TUBD1: variants seen among roughly 807,000 people sequenced by gnomAD.
TUBD1 encodes tubulin delta 1, also known as tubulin delta chain.
TUBD1 carries 38 observed loss-of-function variants against 51.2 expected under a neutral mutation model. The observed-to-expected ratio is 0.74, with a 90% confidence interval of 0.57 to 0.97. TUBD1 has a LOEUF of 0.97. TUBD1 is among the 50% of genes least tolerant of loss of function. The pLI, the probability that TUBD1 is intolerant of heterozygous loss-of-function variation, is 0.00. For synonymous variants in TUBD1, 169 were observed against 178.2 expected (o/e 0.95, Z 0.41); for missense variants, 489 against 538.4 (o/e 0.91, Z 0.91).
rs1377669505 is a variant in TUBD1, at chr17:59,890,811, G to A, written c.172+20C>T. 1.9e-6 allele frequency: 3 copies of A among 1,594,444 alleles called. No individual in the cohort carries two copies. The Admixed American group carries it at 5.3e-5, about 28-fold the overall frequency. ...GTTGGTTAGATCAGAGTAAAGGAGA[G>A]GACTGTGGGCCACACCTACCTCCAT... On this transcript the variant is annotated intron_variant, in intron 2 of 8. Coordinates refer to ENST00000325752, the MANE Select transcript of TUBD1 (RefSeq NM_016261.4).
At chr17:59,881,177 A>G in intron 3 of TUBD1, 67 bp from the exon 4 acceptor site, 1 of 1,311,088 alleles carries the variant, frequency 7.6e-7, no homozygotes, top group Non-Finnish European at 1.1e-6. Flanking sequence ...TAATTCAGAG[A>G]GAAAGATACA....
chr17:59,888,638 T>C (rs1429610842), intron 2 of TUBD1, among the ~76,000 whole-genome samples: 1 of 152,082 alleles, frequency 6.6e-6, no homozygotes, highest in East Asian at 1.9e-4. Flanking sequence ...GAGAGAACTA[T>C]GCAAGTGAGG....
rs201986736 is a variant in TUBD1, at chr17:59,886,140, T to C, written c.263A>G (p.Tyr88Cys). The C allele has an allele frequency of 1.9e-5, 30 of 1,613,932 alleles. No individual in the cohort carries two copies. Among genetic ancestry groups the C allele is most frequent in the Admixed American group, 8.3e-5 (5 of 59,946 alleles). ...TTGACAGAAGCATGCATGTTGACCA[T>C]ATTTCCATTGGCCAGACTGGGCAGC... Reference protein sequence around the residue: ...SKAAQSGQWKYGQHACFCQKQ... With the variant: ...SKAAQSGQWKCGQHACFCQKQ... Residue 88 changes from tyrosine to cysteine, a missense_variant, in exon 3 of 9, where the codon TAT (tyrosine) becomes TGT (cysteine). Transcript: ENST00000325752.
At chr17:59,884,313 T>TA (rs200873318) in intron 3 of TUBD1, among the ~76,000 whole-genome samples, 5 of 150,472 alleles carry the variant, frequency 3.3e-5, no homozygotes, top group Admixed American at 1.3e-4. Flanking sequence ...TAGGGACCTT[T>TA]AAAAAATCCC....
chr17:59,875,221 C>T lies in TUBD1; in HGVS notation c.770-518G>A, dbSNP rs529317046. On this transcript the variant is annotated intron_variant, in intron 5 of 8. Transcript: ENST00000325752. Reference sequence around the variant, plus strand: ...CCTCCTGAGTAGCTGAGACTACAGGCACGTACCACCAAGCCCAGCTAACTT... The same window carrying T: ...CCTCCTGAGTAGCTGAGACTACAGGTACGTACCACCAAGCCCAGCTAACTT... Among the ~76,000 whole-genome samples the T allele has an allele frequency of 2.6e-5, 4 of 151,116 alleles. No homozygotes were observed. In the South Asian group the frequency reaches 8.4e-4, roughly 32 times the overall value.
intron 4 of TUBD1, among the ~76,000 whole-genome samples, chr17:59,880,569 C>T (rs1437960292): frequency 6.6e-6 from 1 of 151,862 alleles, no homozygotes; most frequent in Admixed American, 6.6e-5. Flanking sequence ...GGCTGGAGTA[C>T]GGTAGCGCGA....
chr17:59,867,366 T>C (rs1159603194), intron 6 of TUBD1, among the ~76,000 whole-genome samples: 1 of 152,094 alleles, frequency 6.6e-6, no homozygotes, highest in African/African-American at 2.4e-5. Flanking sequence ...CTATGCCTAC[T>C]CCACTAGACT....
chr17:59,881,706 C>T (rs566039249), intron 3 of TUBD1, among the ~76,000 whole-genome samples: 46 of 151,022 alleles, frequency 3.0e-4, no homozygotes, highest in African/African-American at 9.8e-4. Flanking sequence ...GACAGAGTTT[C>T]ACTCTTGTCA....
chr17:59,871,991 T>C (rs911141178), intron 6 of TUBD1, among the ~76,000 whole-genome samples: 1 of 152,062 alleles, frequency 6.6e-6, no homozygotes, highest in African/African-American at 2.4e-5. Flanking sequence ...TCTCGCTCTG[T>C]TGCCCAGGCT....
At chr17:59,891,155 G>A in intron 1 of TUBD1, 114 bp from the exon 2 acceptor site, 1 of 600,134 alleles carries the variant, frequency 1.7e-6, no homozygotes, top group East Asian at 3.2e-5. Flanking sequence ...CCCTGAGACG[G>A]AGTCTTGTTC....
intron 6 of TUBD1, among the ~76,000 whole-genome samples, chr17:59,872,681 T>C (rs8078987): frequency 0.28 from 41,160 of 148,856 alleles, 5,750 homozygotes; most frequent in Middle Eastern, 0.42. Flanking sequence ...TCAGTATATA[T>C]ATGAAAATGG....
chr17:59,872,513 A>C (rs76477805), intron 6 of TUBD1, among the ~76,000 whole-genome samples: 1 of 152,182 alleles, frequency 6.6e-6, no homozygotes, highest in Non-Finnish European at 1.5e-5. Context: ...TGTACACACA[A>C]AAAAATATAA....
chr17:59,860,216 C>T lies in TUBD1; in HGVS notation c.*106G>A. On this transcript the variant is annotated 3_prime_UTR_variant, in exon 9 of 9. Coordinates refer to ENST00000325752, the MANE Select transcript of TUBD1 (RefSeq NM_016261.4). ...ATTTTCTGGTAGAGACGGTGTTTCA[C>T]CGTGTTAGCCAGGATGGAGAACTTT... 2 of 823,056 alleles carry T rather than the reference C, an allele frequency of 2.4e-6. No homozygotes were observed. Among genetic ancestry groups the T allele is most frequent in the South Asian group, 1.8e-5 (1 of 55,290 alleles). The allele number at this position is 823,056 out of a possible 1,614,324, so 51.0% of individuals were successfully genotyped here. A position where few individuals can be genotyped will look rare whatever the true frequency, so the allele number is the denominator to read the frequency against.
intron 6 of TUBD1, among the ~76,000 whole-genome samples, chr17:59,870,080 G>T (rs563520466): frequency 1.2e-4 from 18 of 152,186 alleles, no homozygotes; most frequent in Non-Finnish European, 2.4e-4. Flanking sequence ...TGAAAAAAAG[G>T]CTGGGCACGG....
intron 6 of TUBD1, among the ~76,000 whole-genome samples, chr17:59,867,789 T>C (rs143608475): frequency 7.8e-4 from 119 of 152,086 alleles, no homozygotes; most frequent in African/African-American, 2.7e-3. Context: ...GAGTGTACTG[T>C]GCATGTGGGA....
At chr17:59,863,534 G>A (rs977119525) in intron 8 of TUBD1, 130 bp downstream of exon 8, 2 of 598,980 alleles carry the variant, frequency 3.3e-6, no homozygotes, top group African/African-American at 1.9e-5. Context: ...ACTTAAACCC[G>A]GGAGGCGGAG....
At chr17:59,873,851 C>T (rs886548839) in intron 6 of TUBD1, among the ~76,000 whole-genome samples, 16 of 150,544 alleles carry the variant, frequency 1.1e-4, no homozygotes, top group Non-Finnish European at 1.5e-4. Context: ...GGTGACAGAG[C>T]GAGATTCCAT....
intron 7 of TUBD1, among the ~76,000 whole-genome samples, chr17:59,865,880 G>A (rs2039675064): frequency 6.6e-6 from 1 of 152,082 alleles, no homozygotes; most frequent in Non-Finnish European, 1.5e-5. Context: ...GGAGGCTGAG[G>A]TGGGCAGATC....
At chr17:59,870,123 AT>A (rs2039909127) in intron 6 of TUBD1, among the ~76,000 whole-genome samples, 7 of 151,964 alleles carry the variant, frequency 4.6e-5, no homozygotes, top group Admixed American at 4.6e-4. Context: ...CACTTTGGGA[AT>A]TTGAGGCATG....
Sources: gnomAD v4.1 joint callset for allele counts (sites outside exome capture counted in the v4.1 genomes callset) on GRCh38, gnomAD v4.1.1 for gene constraint, MANE v1.5 for transcripts, NCBI Gene and HGNC (gene_info 2026-07-23, HGNC 2026-07-21) for gene names.